FAM149B1: variants seen among roughly 807,000 people sequenced by gnomAD.
FAM149B1 encodes the protein family with sequence similarity 149 member B1.
FAM149B1 carries 56 observed loss-of-function variants against 75.3 expected under a neutral mutation model. That is an observed-to-expected ratio of 0.74 (90% confidence interval 0.60 to 0.93). The LOEUF is 0.93. FAM149B1 is among the 40% of genes least tolerant of loss of function. The pLI, the probability that FAM149B1 is intolerant of heterozygous loss-of-function variation, is 0.00. For missense variants in FAM149B1, 639 were observed against 708.4 expected (o/e 0.90, Z 1.11); for synonymous variants, 259 against 256.1 (o/e 1.01, Z -0.11).
chr10:73,203,592 C>CT (rs2042987058), intron 5 of FAM149B1, among the ~76,000 whole-genome samples: 1 of 151,878 alleles, frequency 6.6e-6, no homozygotes, highest in Non-Finnish European at 1.5e-5. Flanking sequence ...TATTTTGAAA[C>CT]AGTTGGGCTA....
In FAM149B1 at chr10:73,188,742, AAAGGAAGGAAGGAGGG is replaced by A. The variant is rs1423408435; in HGVS notation, c.283-3800_283-3785del. Among the ~76,000 whole-genome samples, 10 of 130,800 alleles carry A rather than the reference AAAGGAAGGAAGGAGGG, an allele frequency of 7.6e-5. No homozygotes were observed. The South Asian group carries it at 1.3e-3, about 17-fold the overall frequency. The allele number at this position is 130,800 out of a possible 152,430, so 85.8% of individuals were successfully genotyped here. ...TCTGTCTCAGAAAAAAGAAAAAAAA[AAAGGAAGGAAGGAGGG>A]AAGGAAGGAAGGAAGGAAGGAAGGA... On this transcript the variant is annotated intron_variant, in intron 3 of 13. Transcript: ENST00000242505.
At position 73,234,824 on chromosome 10, in the gene FAM149B1, G is replaced by A; in HGVS notation, c.1360G>A (p.Ala454Thr). 2 of 1,551,368 alleles carry A rather than the reference G, an allele frequency of 1.3e-6. No homozygotes were observed. Among genetic ancestry groups the A allele is most frequent in the Non-Finnish European group, 1.7e-6 (2 of 1,146,954 alleles). ...EILRGARVPV[A>T]PDSLSSPSPT... Reference sequence around the variant, plus strand: ...TGTTGGTGGGATCTGCAGCCCAGTGGCACCCGACTCGCTCTCCTCTCCCTC... The same window carrying A: ...TGTTGGTGGGATCTGCAGCCCAGTGACACCCGACTCGCTCTCCTCTCCCTC... The change falls in exon 11 of 14, where the codon GCA (alanine) becomes ACA (threonine). Residue 454 changes from alanine to threonine, a missense_variant. Coordinates refer to ENST00000242505, the MANE Select transcript of FAM149B1 (RefSeq NM_173348.2).
chr10:73,216,551 T>G (rs1383069998), intron 7 of FAM149B1, among the ~76,000 whole-genome samples: 1 of 152,220 alleles, frequency 6.6e-6, no homozygotes, highest in African/African-American at 2.4e-5. Flanking sequence ...TATGACCTTG[T>G]GACCACAGAG....
intron 7 of FAM149B1, among the ~76,000 whole-genome samples, chr10:73,214,606 T>C (rs1445850968): frequency 6.6e-6 from 1 of 152,266 alleles, no homozygotes; most frequent in Non-Finnish European, 1.5e-5. Flanking sequence ...ATCACATTTA[T>C]TGATTTGCAT....
Position 73,233,282 on chromosome 10 carries a change from A to G in FAM149B1, c.1352+119A>G. The G allele has an allele frequency of 4.1e-6, 3 of 726,234 alleles. No individual in the cohort carries two copies. In the South Asian group the frequency reaches 5.3e-5, roughly 13 times the overall value. 45.0% of individuals were successfully genotyped at this position (726,234 alleles called of 1,614,324 possible). The stretch of plus-strand genomic sequence containing the variant: ...TAGAAACTAATCATTAAGTAGTCTT[A>G]TGACAGATTGCCCATGGGTTTAGAT... On this transcript the variant is annotated intron_variant, in intron 10 of 13. Coordinates refer to ENST00000242505, the MANE Select transcript of FAM149B1 (RefSeq NM_173348.2).
intron 7 of FAM149B1, among the ~76,000 whole-genome samples, chr10:73,212,613 A>G (rs1268674352): frequency 6.6e-6 from 1 of 151,974 alleles, no homozygotes; most frequent in Non-Finnish European, 1.5e-5. Flanking sequence ...CTTTTTGTGT[A>G]TATACTCAAG....
rs115619650 is a variant in FAM149B1 at position 73,188,538 on chromosome 10, T to C, written c.283-4018T>C. On this transcript the variant is annotated intron_variant, in intron 3 of 13. Coordinates refer to ENST00000242505, the MANE Select transcript of FAM149B1 (RefSeq NM_173348.2). ...TGAAAGGACACCAGCCTGGCCAAGA[T>C]GGTGAAGCCCCGTCTCTCTTAAAAA... is the stretch of plus-strand genomic sequence containing the variant. Among the ~76,000 whole-genome samples the C allele has an allele frequency of 3.8e-3, 576 of 152,142 alleles. 5 individuals carry two copies. Among genetic ancestry groups the C allele is most frequent in the African/African-American group, 0.014 (561 of 41,506 alleles).
chr10:73,203,212 T>A (rs897008458), intron 5 of FAM149B1, among the ~76,000 whole-genome samples: 1 of 152,198 alleles, frequency 6.6e-6, no homozygotes, highest in Non-Finnish European at 1.5e-5. Flanking sequence ...GGCTAAATGG[T>A]ATCCCTTGCA....
chr10:73,192,424 G>T (rs182781333), intron 3 of FAM149B1, 132 bp from the exon 4 acceptor site: 1 of 835,742 alleles, frequency 1.2e-6, no homozygotes, highest in Non-Finnish European at 1.8e-6. Flanking sequence ...CTTTTCTTTC[G>T]TGGAAACACA....
chr10:73,200,549 GT>G (rs1412577698), intron 5 of FAM149B1: 3 of 742,550 alleles, frequency 4.0e-6, no homozygotes, highest in Non-Finnish European at 6.6e-6. Flanking sequence ...CAAAATGTTT[GT>G]TTTGGATGAA....
intron 7 of FAM149B1, among the ~76,000 whole-genome samples, chr10:73,226,809 ACCAGTTGGTTCATT>A (rs1564710863): frequency 6.6e-6 from 1 of 152,094 alleles, no homozygotes; most frequent in African/African-American, 2.4e-5. Context: ...TTTGTCATGG[ACCAGTTGGTTCATT>A]GTTGTTAGAA....
Position 73,228,191 on chromosome 10 carries a change from C to T in FAM149B1, c.1023+7C>T. The T allele has an allele frequency of 6.4e-7, 1 of 1,551,516 alleles. No homozygotes were observed. ...GTACATTACCTCAAATCCGGTAAGCCCCAGAGGGATCAGTTGGAGACCCCA... is the reference window on the plus strand; with the variant it reads ...GTACATTACCTCAAATCCGGTAAGCTCCAGAGGGATCAGTTGGAGACCCCA... On this transcript the variant is annotated splice_region_variant and intron_variant, in intron 8 of 13. Transcript: ENST00000242505.
At chr10:73,192,766 A>G in intron 4 of FAM149B1, 68 bp downstream of exon 4, 3 of 1,356,418 alleles carry the variant, frequency 2.2e-6, no homozygotes. Context: ...GATTTAAAAA[A>G]AAAGCTTGTA....
chr10:73,222,175 C>A (rs1005009405), intron 7 of FAM149B1, among the ~76,000 whole-genome samples: 1 of 152,102 alleles, frequency 6.6e-6, no homozygotes, highest in Non-Finnish European at 1.5e-5. Flanking sequence ...TTTATTACTG[C>A]ATATTTTCTT....
In FAM149B1 at chr10:73,243,209, T is replaced by C. The variant is rs2043973586; in HGVS notation, c.*2190T>C. 1.7e-6 allele frequency: 1 copy of C among 597,562 alleles called. No individual in the cohort carries two copies. The highest frequency in any genetic ancestry group is 2.9e-6 in the Non-Finnish European group (1 of 348,204). The allele number at this position is 597,562 out of a possible 1,614,324, so 37.0% of individuals were successfully genotyped here. ...TTCCTTCAGGTGAGACCTCACACAA[T>C]GTCAAGTGCTTTCTAGGAAATACTA... is the stretch of plus-strand genomic sequence containing the variant. On this transcript the variant is annotated 3_prime_UTR_variant, in exon 14 of 14. Coordinates refer to ENST00000242505, the MANE Select transcript of FAM149B1 (RefSeq NM_173348.2).
intron 5 of FAM149B1, among the ~76,000 whole-genome samples, chr10:73,205,113 A>G (rs116742442): frequency 0.051 from 7,721 of 150,816 alleles, 605 homozygotes; most frequent in African/African-American, 0.17. Context: ...CGCCTGGCCA[A>G]TTATTCTTAG....
intron 3 of FAM149B1, among the ~76,000 whole-genome samples, chr10:73,184,549 T>G (rs1415071264): frequency 6.6e-6 from 1 of 152,160 alleles, no homozygotes; most frequent in Non-Finnish European, 1.5e-5. Context: ...GTTTTTTAAC[T>G]ATAAAAAGAT....
chr10:73,185,581 G>T lies in FAM149B1; in HGVS notation c.283-6975G>T, dbSNP rs139437268. Among the ~76,000 whole-genome samples the T allele has an allele frequency of 2.5e-3, 386 of 152,230 alleles. 1 individual carries two copies. The highest frequency in any genetic ancestry group is 8.8e-3 in the African/African-American group (367 of 41,550). ...AAATACAAAATCTTCCCACAAAGAA[G>T]TCCAGGCACAGATGCGCTAGTAAAC... On this transcript the variant is annotated intron_variant, in intron 3 of 13. Transcript: ENST00000242505.
chr10:73,170,475 GC>G (rs780843275), intron 1 of FAM149B1, among the ~76,000 whole-genome samples: 14 of 152,072 alleles, frequency 9.2e-5, no homozygotes, highest in Non-Finnish European at 1.8e-4. Context: ...CTGTACTCCA[GC>G]CTGGGTGACA....
Sources: gnomAD v4.1 joint callset for allele counts (sites outside exome capture counted in the v4.1 genomes callset) on GRCh38, gnomAD v4.1.1 for gene constraint, MANE v1.5 for transcripts, NCBI Gene and HGNC (gene_info 2026-07-23, HGNC 2026-07-21) for gene names.